Variants in NUP214 observed in about 807,000 individuals in gnomAD.
NUP214 encodes nuclear pore complex protein Nup214.
A neutral mutation model predicts 196.2 loss-of-function variants in NUP214; 79 were observed. The observed-to-expected ratio is 0.40, with a 90% CI of 0.34 to 0.49. The LOEUF is 0.49. NUP214 is among the 20% of genes least tolerant of loss of function. The probability of loss-of-function intolerance (pLI) is 0.58; values close to 1 mark genes in which losing one functional copy is unlikely to be tolerated. For synonymous variants in NUP214, 1,020 were observed against 990.5 expected (o/e 1.03, Z -0.56); for missense variants, 2,468 against 2,539.0 (o/e 0.97, Z 0.60).
chr9:131,145,341 A>T (rs935183474), intron 12 of NUP214, among the ~76,000 whole-genome samples: 3 of 152,120 alleles, frequency 2.0e-5, no homozygotes, highest in African/African-American at 7.2e-5. Flanking sequence ...TCCCACTAGA[A>T]TGTAAGCTTT....
chr9:131,129,481 A>G lies in NUP214; in HGVS notation c.592+4A>G. ...TCCACGGTAGCAGTAACCTCTGGTG[A>G]GTAATAAAGGCTTTCACACTGTAGC... On this transcript the variant is annotated splice_donor_region_variant and intron_variant, in intron 4 of 35. Transcript: ENST00000359428. 1 of 1,613,550 alleles carries G rather than the reference A, an allele frequency of 6.2e-7. No individual in the cohort carries two copies.
chr9:131,186,541 G>C (rs1833453756), intron 24 of NUP214, among the ~76,000 whole-genome samples: 2 of 152,222 alleles, frequency 1.3e-5, no homozygotes, highest in South Asian at 4.1e-4. Flanking sequence ...ATACCAGTCA[G>C]AGTAGCGCTG....
chr9:131,197,133 G>T lies in NUP214; in HGVS notation c.3722-83G>T, dbSNP rs1168821480. The T allele has an allele frequency of 1.9e-6, 3 of 1,547,680 alleles. No individual in the cohort carries two copies. In the Admixed American group the frequency reaches 5.6e-5, roughly 29 times the overall value. Reference sequence around the variant, plus strand: ...TCTGTAGAGGGAGGAGAGAAACTTTGGCTTAGAAACACAATCAGTGGAAAT... The same window carrying T: ...TCTGTAGAGGGAGGAGAGAAACTTTTGCTTAGAAACACAATCAGTGGAAAT... On this transcript the variant is annotated intron_variant, in intron 28 of 35. Transcript: ENST00000359428.
intron 17 of NUP214, among the ~76,000 whole-genome samples, chr9:131,157,421 A>G (rs1417339611): frequency 1.3e-5 from 2 of 150,470 alleles, no homozygotes; most frequent in Non-Finnish European, 2.9e-5. Flanking sequence ...TTGGCCTCCC[A>G]AAGTGTGAGA....
At chr9:131,132,898 G>T (rs1831601158) in intron 6 of NUP214, 4 of 618,302 alleles carry the variant, frequency 6.5e-6, no homozygotes, top group African/African-American at 1.9e-5. Context: ...TTCATAATTT[G>T]CCCTGATTAT....
chr9:131,218,360 G>A (rs1012366547), intron 31 of NUP214, among the ~76,000 whole-genome samples: 1 of 152,138 alleles, frequency 6.6e-6, no homozygotes, highest in Non-Finnish European at 1.5e-5. Context: ...GTCGTCTGGG[G>A]AAAGGCATTG....
intron 32 of NUP214, among the ~76,000 whole-genome samples, chr9:131,224,775 CA>C (rs1244266380): frequency 2.0e-5 from 3 of 152,192 alleles, no homozygotes; most frequent in African/African-American, 7.2e-5. Context: ...GCTACACACA[CA>C]GTGCATTGTT....
At chr9:131,171,693 T>A (rs1024108633) in intron 21 of NUP214, among the ~76,000 whole-genome samples, 3 of 152,052 alleles carry the variant, frequency 2.0e-5, no homozygotes, top group African/African-American at 7.3e-5. Flanking sequence ...CCTAATGCTA[T>A]CCCTCCCTCC....
chr9:131,146,027 A>T lies in NUP214; in HGVS notation c.1770-102A>T. The T allele has an allele frequency of 9.0e-7, 1 of 1,109,808 alleles. No individual in the cohort carries two copies. Among genetic ancestry groups the T allele is most frequent in the Non-Finnish European group, 1.3e-6 (1 of 773,814 alleles). 68.7% of individuals were successfully genotyped at this position (1,109,808 alleles called of 1,614,324 possible). On this transcript the variant is annotated intron_variant, in intron 12 of 35. Transcript: ENST00000359428. This position sits in a 1 kb window ranked among gnomAD's most constrained non-coding sequence, Gnocchi z 4.6. ...AAAAAGTATGTTATCTTTGTAAGTT[A>T]ACATAAAAGATAATAAGTTATCTTT...
At position 131,147,586 on chromosome 9, in the gene NUP214, T is replaced by C. The variant is rs747597478; in HGVS notation, c.2040+2T>C. ...GCGGCAAAGCCAGGCTCTCCCCAGG[T>C]ATGTTTAAATTCAGCTTGCAATGTT... On this transcript the variant is annotated splice_donor_variant, in intron 14 of 35. Coordinates refer to ENST00000359428, the MANE Select transcript of NUP214 (RefSeq NM_005085.4). LOFTEE classifies it high-confidence loss of function. 1 of 1,604,398 alleles carries C rather than the reference T, an allele frequency of 6.2e-7. No homozygotes were observed. The highest frequency in any genetic ancestry group is 1.3e-5 in the African/African-American group (1 of 74,782).
chr9:131,225,836 A>G (rs1019076194), intron 32 of NUP214, among the ~76,000 whole-genome samples: 2 of 152,212 alleles, frequency 1.3e-5, no homozygotes, highest in Admixed American at 6.5e-5. Context: ...AAAAATTCCA[A>G]AAGTATCTAT....
intron 21 of NUP214, among the ~76,000 whole-genome samples, chr9:131,167,764 T>G (rs1006952982): frequency 3.3e-5 from 5 of 152,256 alleles, no homozygotes; most frequent in Non-Finnish European, 7.3e-5. Context: ...GAATACTCTG[T>G]CTTATTGATT....
chr9:131,209,255 G>A (rs969890472), intron 30 of NUP214, among the ~76,000 whole-genome samples: 1 of 152,078 alleles, frequency 6.6e-6, no homozygotes, highest in African/African-American at 2.4e-5. Flanking sequence ...GTGCATGCCT[G>A]TAGTCCCAAC....
intron 30 of NUP214, among the ~76,000 whole-genome samples, chr9:131,214,672 C>G (rs1441888981): frequency 6.6e-6 from 1 of 152,180 alleles, no homozygotes; most frequent in Non-Finnish European, 1.5e-5. Flanking sequence ...GGACAGAATT[C>G]AGCTTTGGTC....
Position 131,215,353 on chromosome 9 carries a change from TC to T in NUP214, c.5736del (p.Thr1913GlnfsTer230). On this transcript the variant is annotated frameshift_variant, in exon 31 of 36. Transcript: ENST00000359428. LOFTEE classifies it high-confidence loss of function. ...CAGCTCGGCCAGTGGGGGCTTTGGATCCACAGCTACCTCAAGTAAGTTGAGA... is the reference window on the plus strand; with the variant it reads ...CAGCTCGGCCAGTGGGGGCTTTGGATCACAGCTACCTCAAGTAAGTTGAGA... ...PFSSASGGFGSTATSNTSNLF... is the reference protein window; with the variant it reads ...PFSSASGGFGXTATSNTSNLF... The T allele has an allele frequency of 6.3e-7, 1 of 1,598,782 alleles. No homozygotes were observed.
chr9:131,145,866 T>G (rs1436965367), intron 12 of NUP214, among the ~76,000 whole-genome samples: 1 of 152,222 alleles, frequency 6.6e-6, no homozygotes, highest in Non-Finnish European at 1.5e-5. Flanking sequence ...AACTTGGTAT[T>G]TCATATTGTG....
At chr9:131,214,236 C>T (rs1282197695) in intron 30 of NUP214, among the ~76,000 whole-genome samples, 5 of 152,202 alleles carry the variant, frequency 3.3e-5, no homozygotes, top group Non-Finnish European at 5.9e-5. Flanking sequence ...GTGCCTAGCA[C>T]ATACAGAGTG....
intron 34 of NUP214, among the ~76,000 whole-genome samples, 167 bp downstream of exon 34, chr9:131,230,936 G>A (rs1163625724): frequency 6.6e-6 from 1 of 152,136 alleles, no homozygotes; most frequent in African/African-American, 2.4e-5. Context: ...CAAGGCAGGA[G>A]GATCACTTGA....
intron 9 of NUP214, among the ~76,000 whole-genome samples, chr9:131,138,791 T>C (rs1831816442): frequency 6.6e-6 from 1 of 152,196 alleles, no homozygotes; most frequent in African/African-American, 2.4e-5. Flanking sequence ...TCTGTCTCTA[T>C]AGACGAGTGA....
Sources: allele counts gnomAD v4.1 joint callset (sites outside exome capture counted in the v4.1 genomes callset), GRCh38; gene constraint gnomAD v4.1.1; non-coding constraint Gnocchi (gnomAD v3.1); transcripts MANE v1.5; gene names NCBI Gene and HGNC (gene_info 2026-07-23, HGNC 2026-07-21).